The following ECT2L variants were observed in gnomAD, a reference collection of about 807,000 sequenced individuals.
The protein encoded by ECT2L is epithelial cell transforming 2 like, also known as epithelial cell-transforming sequence 2 oncogene-like.
In ECT2L, 126 loss-of-function variants were observed where a neutral mutation model predicts 122.8. The ratio of observed to expected loss-of-function variants is 1.03; its 90% confidence interval spans 0.89 to 1.19. The LOEUF is 1.19. ECT2L is among the 50% of genes most tolerant of loss of function. The pLI is 0.00. For synonymous variants in ECT2L, 385 were observed against 381.8 expected (o/e 1.01, Z -0.10); for missense variants, 1,012 against 1,064.1 (o/e 0.95, Z 0.68).
chr6:138,849,528 G>T, intron 9 of ECT2L, 94 bp downstream of exon 9: 3 of 1,243,096 alleles, frequency 2.4e-6, no homozygotes, highest in African/African-American at 1.6e-5. Context: ...TCAGTTCCAA[G>T]TTGCTAAGAC....
In ECT2L at chr6:138,902,579, A is replaced by G; in HGVS notation, c.2667A>G (p.Leu889=). Residue 889 remains leucine (L), a synonymous_variant, in exon 22 of 22, where the codon CTA becomes CTG. Coordinates refer to ENST00000541398, the MANE Select transcript of ECT2L (RefSeq NM_001077706.3). ...CAGAAATAGAGGATGATAAGTTCCTATGGCTGTCAGTACTTCGAAATGCAA... is the reference window on the plus strand; with the variant it reads ...CAGAAATAGAGGATGATAAGTTCCTGTGGCTGTCAGTACTTCGAAATGCAA... ...CATEIEDDKF[L]WLSVLRNAIK... The G allele has an allele frequency of 6.2e-7, 1 of 1,613,988 alleles. No homozygotes were observed. Among genetic ancestry groups the G allele is most frequent in the Non-Finnish European group, 8.5e-7 (1 of 1,179,924 alleles).
At chr6:138,898,518 C>G (rs1779288009) in intron 20 of ECT2L, among the ~76,000 whole-genome samples, 1 of 152,174 alleles carries the variant, frequency 6.6e-6, no homozygotes, top group Admixed American at 6.5e-5. Flanking sequence ...TTAGGCATAG[C>G]TGTAACTAAT....
intron 19 of ECT2L, among the ~76,000 whole-genome samples, chr6:138,887,202 T>C (rs1187310168): frequency 6.7e-6 from 1 of 149,462 alleles, no homozygotes; most frequent in African/African-American, 2.5e-5. Flanking sequence ...AAAGGGGCCA[T>C]GTGTTCTACT....
Position 138,902,926 on chromosome 6 carries a change from T to C in ECT2L, c.*299T>C, listed in dbSNP as rs926722792. ...TGAAACCTAAGACAGAGCAAGCACA[T>C]TGTGTAAAGCTTTGTTTTATGATCT... On this transcript the variant is annotated 3_prime_UTR_variant, in exon 22 of 22. Transcript: ENST00000541398. 1.4e-5 allele frequency: 4 copies of C among 295,200 alleles called. No homozygotes were observed. In the South Asian group the frequency reaches 1.5e-4, roughly 11 times the overall value. The allele number at this position is 295,200 out of a possible 1,614,324, so 18.3% of individuals were successfully genotyped here.
chr6:138,891,386 G>A (rs960330987), intron 20 of ECT2L, among the ~76,000 whole-genome samples: 3 of 152,268 alleles, frequency 2.0e-5, no homozygotes, highest in Middle Eastern at 3.4e-3. Context: ...AGATTCAGCT[G>A]AGAGTATGTT....
intron 20 of ECT2L, among the ~76,000 whole-genome samples, chr6:138,889,945 A>G (rs1778961311): frequency 6.6e-6 from 1 of 152,224 alleles, no homozygotes; most frequent in Non-Finnish European, 1.5e-5. Flanking sequence ...TTGCTATTGT[A>G]AAACAAAAGC....
intron 8 of ECT2L, among the ~76,000 whole-genome samples, chr6:138,847,234 A>G (rs1187477651): frequency 6.6e-6 from 1 of 151,656 alleles, no homozygotes; most frequent in Non-Finnish European, 1.5e-5. Context: ...CTGCACTCCA[A>G]CCTGGGTGAC....
At chr6:138,838,628 C>T (rs1039438330) in intron 5 of ECT2L, 114 bp downstream of exon 5, 3 of 1,012,228 alleles carry the variant, frequency 3.0e-6, no homozygotes, top group South Asian at 4.6e-5. Context: ...CCTGATCCAT[C>T]ATTAACTTAC....
intron 4 of ECT2L, among the ~76,000 whole-genome samples, chr6:138,835,956 C>A (rs1027058870): frequency 6.6e-6 from 1 of 152,252 alleles, no homozygotes; most frequent in East Asian, 1.9e-4. Context: ...TTTTGAAGAG[C>A]ACAGGCCTGC....
intron 4 of ECT2L, among the ~76,000 whole-genome samples, chr6:138,815,903 C>T (rs1421210576): frequency 2.6e-5 from 4 of 152,136 alleles, no homozygotes; most frequent in East Asian, 1.9e-4. Context: ...CATTTTTTCT[C>T]TCCTCCTCAC....
intron 13 of ECT2L, among the ~76,000 whole-genome samples, chr6:138,872,842 A>C (rs760020558): frequency 4.6e-5 from 7 of 152,196 alleles, no homozygotes; most frequent in Non-Finnish European, 8.8e-5. Flanking sequence ...CCAGGCATAC[A>C]GATCCCAGAA....
chr6:138,843,089 C>G lies in ECT2L; in HGVS notation c.453C>G (p.His151Gln). 1 of 1,614,096 alleles carries G rather than the reference C, an allele frequency of 6.2e-7. No individual in the cohort carries two copies. The change falls in exon 6 of 22, where the codon CAC becomes CAG. Residue 151 changes from histidine (H) to glutamine (Q), a missense_variant. Coordinates refer to ENST00000541398, the MANE Select transcript of ECT2L (RefSeq NM_001077706.3). The part of the protein sequence containing the change: ...WKRHYIACVS[H>Q]LDWLTPREAA... Reference sequence around the variant, plus strand: ...GCCATTACATTGCTTGTGTGTCCCACTTAGACTGGCTGACACCTAGGGAGG... The same window carrying G: ...GCCATTACATTGCTTGTGTGTCCCAGTTAGACTGGCTGACACCTAGGGAGG...
intron 4 of ECT2L, among the ~76,000 whole-genome samples, chr6:138,816,011 T>A (rs1562454564): frequency 6.6e-6 from 1 of 152,200 alleles, no homozygotes; most frequent in South Asian, 2.1e-4. Context: ...CTGGCTCTGT[T>A]GAAAGAGGCT....
chr6:138,813,321 A>G lies in ECT2L; in HGVS notation c.47A>G (p.Asn16Ser). ...TTTAGTGCCTGGACACCTTTTAGCAACAAGTCATTAAATAGACAGGTAAGT... is the reference window on the plus strand; with the variant it reads ...TTTAGTGCCTGGACACCTTTTAGCAGCAAGTCATTAAATAGACAGGTAAGT... The part of the protein sequence containing the change: ...TRFSAWTPFS[N>S]KSLNRQLFQE... The change falls in exon 3 of 22, where the codon AAC becomes AGC. Residue 16 changes from asparagine to serine, a missense_variant. By Grantham distance (46) the Asn-to-Ser change is conservative. Coordinates refer to ENST00000541398, the MANE Select transcript of ECT2L (RefSeq NM_001077706.3). 6.2e-7 allele frequency: 1 copy of G among 1,611,670 alleles called. No individual in the cohort carries two copies. The highest frequency in any genetic ancestry group is 1.7e-4 in the Middle Eastern group (1 of 6,050).
intron 13 of ECT2L, among the ~76,000 whole-genome samples, chr6:138,875,821 G>C (rs1363935098): frequency 6.6e-6 from 1 of 152,166 alleles, no homozygotes; most frequent in Non-Finnish European, 1.5e-5. Flanking sequence ...GCAGAGCTGA[G>C]GCAAAAACCT....
At chr6:138,802,439 A>C (rs1379457421) in intron 1 of ECT2L, among the ~76,000 whole-genome samples, 1 of 152,354 alleles carries the variant, frequency 6.6e-6, no homozygotes, top group Non-Finnish European at 1.5e-5. Flanking sequence ...TGATAACCCC[A>C]TTAGATAATC....
intron 12 of ECT2L, among the ~76,000 whole-genome samples, chr6:138,867,447 G>C (rs1778085515): frequency 6.6e-6 from 1 of 151,920 alleles, no homozygotes; most frequent in South Asian, 2.1e-4. Flanking sequence ...GGCTGAGGTG[G>C]GCAGATTGCT....
intron 8 of ECT2L, among the ~76,000 whole-genome samples, chr6:138,848,216 A>G (rs1777302945): frequency 6.6e-6 from 1 of 152,202 alleles, no homozygotes; most frequent in Non-Finnish European, 1.5e-5. Flanking sequence ...GCCAAACCAT[A>G]TCAGTGTGCA....
chr6:138,889,063 G>A (rs1778928818), intron 20 of ECT2L, 32 bp downstream of exon 20: 3 of 1,268,442 alleles, frequency 2.4e-6, no homozygotes, highest in South Asian at 3.3e-5. Flanking sequence ...TAAGGCTGTG[G>A]ACACCTTCCA....
Sources: gnomAD v4.1 joint callset for allele counts (sites outside exome capture counted in the v4.1 genomes callset) on GRCh38, gnomAD v4.1.1 for gene constraint, MANE v1.5 for transcripts, NCBI Gene and HGNC (gene_info 2026-07-23, HGNC 2026-07-21) for gene names.